The following PIERCE1 variants were observed in gnomAD, a reference collection of about 807,000 sequenced individuals.
The protein encoded by PIERCE1 is piercer of microtubule wall 1 protein.
chr9:135,499,605 T>G, the PIERCE1 span: 1 of 1,450,702 alleles, frequency 6.9e-7, no homozygotes, highest in Admixed American at 2.0e-5. Flanking sequence ...CCACTCGATC[T>G]TCTTGATTTC....
the PIERCE1 span, among the ~76,000 whole-genome samples, chr9:135,496,827 T>G: frequency 6.6e-6 from 1 of 151,440 alleles, no homozygotes; most frequent in Admixed American, 6.6e-5. Flanking sequence ...ATGGAGTTTT[T>G]GCTCTAGTCA....
chr9:135,498,824 T>G, the PIERCE1 span: 1 of 660,702 alleles, frequency 1.5e-6, no homozygotes, highest in Non-Finnish European at 2.7e-6. This position sits in a 1 kb window ranked among gnomAD's most constrained non-coding sequence, Gnocchi z 4.1. Flanking sequence ...TGGGAGTACC[T>G]GGCTGATGAC....
At chr9:135,497,043 C>T in the PIERCE1 span, among the ~76,000 whole-genome samples, 4 of 152,142 alleles carry the variant, frequency 2.6e-5, no homozygotes, top group African/African-American at 4.8e-5. Flanking sequence ...GTGATCCACC[C>T]GCCTCGGCCT....
the PIERCE1 span, chr9:135,499,403 C>A: frequency 1.6e-6 from 1 of 634,728 alleles, no homozygotes; most frequent in Admixed American, 2.1e-5. Context: ...TGCTCACGCC[C>A]CGCAGCGGAG....
chr9:135,497,400 C>CT, the PIERCE1 span, among the ~76,000 whole-genome samples: 70,463 of 147,286 alleles, frequency 0.48, 17,067 homozygotes, highest in East Asian at 0.84. Context: ...GTTTTTTTTT[C>CT]TTTTTTTTTT....
At chr9:135,498,769 A>G in the PIERCE1 span, 1 of 1,028,000 alleles carries the variant, frequency 9.7e-7, no homozygotes, top group Non-Finnish European at 1.5e-6. This position sits in a 1 kb window ranked among gnomAD's most constrained non-coding sequence, Gnocchi z 4.1. Flanking sequence ...CCCCATGGAA[A>G]GAGCAATATG....
At chr9:135,495,567 C>T in the PIERCE1 span, 4 of 1,613,792 alleles carry the variant, frequency 2.5e-6, no homozygotes, top group African/African-American at 1.3e-5. Flanking sequence ...AACATTCCAC[C>T]CGCTGCAAGT....
At chr9:135,499,639 T>C in the PIERCE1 span, 1 of 1,562,602 alleles carries the variant, frequency 6.4e-7, no homozygotes, top group South Asian at 1.2e-5. Context: ...TTGGGGGTCT[T>C]GCGGGGTCTC....
At chr9:135,495,563 C>A in the PIERCE1 span, 1 of 1,613,998 alleles carries the variant, frequency 6.2e-7, no homozygotes, top group Non-Finnish European at 8.5e-7. Flanking sequence ...CCGGAACATT[C>A]CACCCGCTGC....
At chr9:135,499,678 G>A in the PIERCE1 span, 3 of 1,604,892 alleles carry the variant, frequency 1.9e-6, no homozygotes, top group Admixed American at 1.7e-5. Flanking sequence ...AGCAGTGGAC[G>A]CCAGGACCAG....
At chr9:135,498,622 G>T in the PIERCE1 span, 8 of 1,613,922 alleles carry the variant, frequency 5.0e-6, no homozygotes, top group African/African-American at 6.7e-5. The surrounding 1 kb of genome is among the most constrained non-coding windows in gnomAD (Gnocchi z 4.1). Context: ...GCTCCCGTAA[G>T]CCTGGTTACT....
the PIERCE1 span, among the ~76,000 whole-genome samples, chr9:135,495,896 C>T: frequency 5.3e-5 from 8 of 152,174 alleles, no homozygotes; most frequent in Admixed American, 4.6e-4. Context: ...CCTTGGGGGT[C>T]AGTCCTGGAG....
At chr9:135,495,488 G>A in the PIERCE1 span, 9 of 1,614,022 alleles carry the variant, frequency 5.6e-6, no homozygotes, top group African/African-American at 1.1e-4. Flanking sequence ...CCGGTCACAG[G>A]AGGTGATGCA....
chr9:135,497,131 T>C, the PIERCE1 span, among the ~76,000 whole-genome samples: 1 of 152,226 alleles, frequency 6.6e-6, no homozygotes, highest in African/African-American at 2.4e-5. Flanking sequence ...GCATTTATCT[T>C]CTATTCCCAC....
chr9:135,495,844 C>T, the PIERCE1 span, among the ~76,000 whole-genome samples: 1 of 152,184 alleles, frequency 6.6e-6, no homozygotes, highest in Non-Finnish European at 1.5e-5. Flanking sequence ...TGTGGGGCCA[C>T]CTGTGTGCCA....
At chr9:135,499,728 C>G in the PIERCE1 span, 1 of 1,608,358 alleles carries the variant, frequency 6.2e-7, no homozygotes, top group South Asian at 1.1e-5. Flanking sequence ...CGGAACCACC[C>G]CGGGTTGTTG....
chr9:135,497,643 T>C, the PIERCE1 span, among the ~76,000 whole-genome samples: 1 of 152,122 alleles, frequency 6.6e-6, no homozygotes, highest in Non-Finnish European at 1.5e-5. Context: ...CAGGCTGGTC[T>C]TGATCTCTGA....
At chr9:135,496,794 A>ATTT in the PIERCE1 span, among the ~76,000 whole-genome samples, 2,904 of 122,650 alleles carry the variant, frequency 0.024, 173 homozygotes, top group African/African-American at 0.075. Context: ...CCTTCAGTGC[A>ATTT]TTTTTTTTTT....
At chr9:135,495,495 T>C in the PIERCE1 span, 11 of 1,614,152 alleles carry the variant, frequency 6.8e-6, no homozygotes, top group Non-Finnish European at 9.3e-6. Flanking sequence ...CAGGAGGTGA[T>C]GCAGTTATCG....
Sources: allele counts gnomAD v4.1 joint callset (sites outside exome capture counted in the v4.1 genomes callset), GRCh38; gene constraint gnomAD v4.1.1; non-coding constraint Gnocchi (gnomAD v3.1); transcripts MANE v1.5; gene names NCBI Gene and HGNC (gene_info 2026-07-23, HGNC 2026-07-21).